The following DDX20 variants were observed in gnomAD, a reference collection of about 807,000 sequenced individuals.
DDX20 encodes probable ATP-dependent RNA helicase DDX20.
DDX20 carries 61 observed loss-of-function variants against 76.4 expected under a neutral mutation model. The ratio of observed to expected loss-of-function variants is 0.80; its 90% CI spans 0.65 to 0.99. The LOEUF is 0.99. Among genes scored for constraint, DDX20 ranks in the 50% least tolerant of loss-of-function variants. The probability of loss-of-function intolerance (pLI) is 0.00; values close to 1 mark genes in which losing one functional copy is unlikely to be tolerated. For missense variants in DDX20, 976 were observed against 996.8 expected, an observed-to-expected ratio of 0.98 and a Z score of 0.28; for synonymous variants, 357 against 357.4, an observed-to-expected ratio of 1.00 and a Z score of 0.01.
chr1:111,756,630 T>C lies in DDX20; in HGVS notation c.302-16T>C, dbSNP rs755849658. The C allele has an allele frequency of 6.2e-7, 1 of 1,611,822 alleles. No individual in the cohort carries two copies. Among genetic ancestry groups the C allele is most frequent in the Non-Finnish European group, 8.5e-7 (1 of 1,178,038 alleles). ...AGTGAGTACTGGCTAGTGATAATTG[T>C]TTTTTTCCTTCGCAGATTTAATTGT... On this transcript the variant is annotated splice_polypyrimidine_tract_variant and intron_variant, in intron 1 of 10. Transcript: ENST00000369702.
At chr1:111,765,637 T>A in intron 10 of DDX20, 100 bp from the exon 11 acceptor site, 1 of 1,013,414 alleles carries the variant, frequency 9.9e-7, no homozygotes, top group South Asian at 1.7e-5. Flanking sequence ...TATTGTTTCT[T>A]AAATGTATTT....
chr1:111,765,413 G>C (rs1663758925), intron 10 of DDX20, among the ~76,000 whole-genome samples: 1 of 152,188 alleles, frequency 6.6e-6, no homozygotes, highest in African/African-American at 2.4e-5. Context: ...ATAAAGGGGA[G>C]GGGCTGTGGA....
chr1:111,760,797 A>C lies in DDX20; in HGVS notation c.772A>C (p.Met258Leu), dbSNP rs762247366. The change falls in exon 5 of 11, where the codon ATG (methionine) becomes CTG (leucine). Residue 258 changes from methionine (M) to leucine (L), a missense_variant. This residue lies in a region of DDX20 where 630 missense variants were observed against 693.7 expected (regional missense o/e 0.91). Transcript: ENST00000369702. ...TTTGGCTAATGCTTTGACAAAGTAC[A>C]TGAGAGATCCCACTTTTGTAAGACT... Reference protein sequence around the residue: ...EFLANALTKYMRDPTFVRLNS... With the variant: ...EFLANALTKYLRDPTFVRLNS... The C allele has an allele frequency of 8.1e-6, 13 of 1,613,806 alleles. No individual in the cohort carries two copies. In the South Asian group the frequency reaches 8.8e-5, roughly 11 times the overall value.
Position 111,756,226 on chromosome 1 carries a change from G to C in DDX20, c.301+1G>C, listed in dbSNP as rs1469649391. 7.0e-7 allele frequency: 1 copy of C among 1,426,978 alleles called. No homozygotes were observed. The highest frequency in any genetic ancestry group is 9.2e-7 in the Non-Finnish European group (1 of 1,092,576). 88.4% of individuals were successfully genotyped at this position (1,426,978 alleles called of 1,614,324 possible). On this transcript the variant is annotated splice_donor_variant, in intron 1 of 10. Transcript: ENST00000369702. LOFTEE classifies it high-confidence loss of function. ...ATCCCGTTGGGGCGCTGCGGGCTCG[G>C]TGAGAGCGGGGGCCCGGGATAGGTC...
chr1:111,761,332 GC>G (rs763118670), intron 7 of DDX20, 48 bp downstream of exon 7: 1 of 1,512,358 alleles, frequency 6.6e-7, no homozygotes, highest in South Asian at 1.2e-5. Flanking sequence ...CTGACTTGAA[GC>G]CTCCAAAGTC....
At position 111,760,526 on chromosome 1, in the gene DDX20, C is replaced by G; in HGVS notation, c.618C>G (p.Arg206=). Residue 206 remains arginine (R), a synonymous_variant, in exon 4 of 11, where the codon CGC becomes CGG. Transcript: ENST00000369702. The part of the protein sequence containing the change: ...ELDYLNPGSI[R]LFILDEADKL... The stretch of plus-strand genomic sequence containing the variant: ...ACTACTTGAACCCAGGCAGTATACG[C>G]CTCTTTATTCTTGATGAAGCAGATA... The G allele has an allele frequency of 6.2e-7, 1 of 1,613,062 alleles. No homozygotes were observed. Among genetic ancestry groups the G allele is most frequent in the Non-Finnish European group, 8.5e-7 (1 of 1,179,756 alleles).
Position 111,760,993 on chromosome 1 carries a change from A to G in DDX20, c.830A>G (p.Lys277Arg), listed in dbSNP as rs752907588. The G allele has an allele frequency of 2.5e-6, 4 of 1,612,562 alleles. 1 individual carries two copies. In the Middle Eastern group the frequency reaches 5.0e-4, roughly 200 times the overall value. The change falls in exon 6 of 11, where the codon AAG becomes AGG. Residue 277 changes from lysine (K) to arginine (R), a missense_variant. By Grantham distance (26) the Lys-to-Arg change is conservative. Around this residue, in one of 3 missense-constraint regions of DDX20, gnomAD observed 630 missense variants for 693.7 expected, o/e 0.91. Coordinates refer to ENST00000369702, the MANE Select transcript of DDX20 (RefSeq NM_007204.5). ...NSSDPSLIGL[K>R]QYYKVVNSYP... is the part of the protein sequence containing the mutation. ...TGATAGCTCTTCTTTGTAGGTTTGA[A>G]GCAGTATTACAAAGTTGTCAATTCA...
chr1:111,765,074 A>G (rs533533146), intron 10 of DDX20, among the ~76,000 whole-genome samples: 1 of 152,254 alleles, frequency 6.6e-6, no homozygotes, highest in African/African-American at 2.4e-5. Context: ...ACAAAAATTG[A>G]TCACACTTTG....
chr1:111,762,602 A>C, intron 8 of DDX20, 75 bp from the exon 9 acceptor site: 1 of 1,278,442 alleles, frequency 7.8e-7, no homozygotes, highest in Admixed American at 1.8e-5. Context: ...ACTGTACTGG[A>C]AGAATATAAT....
At position 111,760,472 on chromosome 1, in the gene DDX20, A is replaced by G; in HGVS notation, c.566-2A>G. On this transcript the variant is annotated splice_acceptor_variant, in intron 3 of 10. Coordinates refer to ENST00000369702, the MANE Select transcript of DDX20 (RefSeq NM_007204.5). LOFTEE classifies it high-confidence loss of function. ...ATATTTCAATTTTTTTTTTTTAATT[A>G]GGCAGAATTAAGCAACTCATAGAAC... 6.4e-7 allele frequency: 1 copy of G among 1,561,002 alleles called. No homozygotes were observed. Among genetic ancestry groups the G allele is most frequent in the Non-Finnish European group, 8.6e-7 (1 of 1,156,088 alleles).
chr1:111,756,613 C>T (rs757501811), intron 1 of DDX20, 33 bp from the exon 2 acceptor site: 17 of 1,595,018 alleles, frequency 1.1e-5, no homozygotes, highest in East Asian at 8.9e-5. Flanking sequence ...TCAGTGAGTA[C>T]TGGCTAGTGA....
At chr1:111,758,712 C>T (rs1223423640) in intron 2 of DDX20, among the ~76,000 whole-genome samples, 2 of 152,104 alleles carry the variant, frequency 1.3e-5, no homozygotes, top group East Asian at 3.8e-4. Flanking sequence ...TCATGATCAC[C>T]TCATTTAAAA....
In DDX20 at chr1:111,759,419, C is replaced by A; in HGVS notation, c.416C>A (p.Thr139Lys). The change falls in exon 3 of 11, where the codon ACA (threonine) becomes AAA (lysine). Residue 139 changes from threonine (T) to lysine (K), a missense_variant. Physicochemically the swap from Thr to Lys is moderately conservative, Grantham distance 78. This residue lies in a region of DDX20 where 343 missense variants were observed against 286.4 expected (regional missense o/e 1.20). Coordinates refer to ENST00000369702, the MANE Select transcript of DDX20 (RefSeq NM_007204.5). ...TTTTAGATTTTGATCTTGGCTCCTA[C>A]AAGAGAAATTGCTGTACAGATACAT... ...LSTQILILAP[T>K]REIAVQIHSV... 2 of 1,598,890 alleles carry A rather than the reference C, an allele frequency of 1.3e-6. No individual in the cohort carries two copies. Among genetic ancestry groups the A allele is most frequent in the Non-Finnish European group, 1.7e-6 (2 of 1,174,908 alleles).
Position 111,766,306 on chromosome 1 carries a change from A to G in DDX20, c.1882A>G (p.Asn628Asp). Residue 628 changes from asparagine to aspartate, a missense_variant, in exon 11 of 11, where the codon AAT becomes GAT. Around this residue, in one of 3 missense-constraint regions of DDX20, gnomAD observed 630 missense variants for 693.7 expected, o/e 0.91. Transcript: ENST00000369702. ...GPGDQTVNPQ[N>D]GFVRNKVIEQ... Reference sequence around the variant, plus strand: ...TGGGGATCAGACTGTGAATCCTCAAAATGGTTTTGTGAGAAATAAAGTTAT... The same window carrying G: ...TGGGGATCAGACTGTGAATCCTCAAGATGGTTTTGTGAGAAATAAAGTTAT... 6.2e-7 allele frequency: 1 copy of G among 1,614,148 alleles called. No individual in the cohort carries two copies. The highest frequency in any genetic ancestry group is 1.1e-5 in the South Asian group (1 of 91,084).
intron 2 of DDX20, 83 bp from the exon 3 acceptor site, chr1:111,759,317 A>C: frequency 2.0e-6 from 2 of 980,098 alleles, no homozygotes; most frequent in Non-Finnish European, 2.9e-6. Context: ...TAAATGAAAT[A>C]TAGTGTGTCA....
In DDX20 at chr1:111,760,457, T is replaced by G. The variant is rs1663649585; in HGVS notation, c.566-17T>G. On this transcript the variant is annotated splice_polypyrimidine_tract_variant and intron_variant, in intron 3 of 10. Coordinates refer to ENST00000369702, the MANE Select transcript of DDX20 (RefSeq NM_007204.5). ...TTTGGTACATCATAAATATTTCAAT[T>G]TTTTTTTTTTAATTAGGCAGAATTA... The G allele has an allele frequency of 2.0e-6, 3 of 1,489,268 alleles. No homozygotes were observed. In the Admixed American group the frequency reaches 6.5e-5, roughly 32 times the overall value. The allele number at this position is 1,489,268 out of a possible 1,614,324, so 92.3% of individuals were successfully genotyped here.
intron 10 of DDX20, among the ~76,000 whole-genome samples, chr1:111,764,124 A>T (rs76668948): frequency 2.0e-5 from 3 of 152,104 alleles, no homozygotes; most frequent in African/African-American, 7.2e-5. Flanking sequence ...CTAAAAAAAA[A>T]TACAGAAAAT....
rs757973800 is a variant in DDX20 at position 111,759,415 on chromosome 1, C to T, written c.412C>T (p.Pro138Ser). ...TTTTTTTTAGATTTTGATCTTGGCT[C>T]CTACAAGAGAAATTGCTGTACAGAT... ...NLSTQILILA[P>S]TREIAVQIHS... is the part of the protein sequence containing the mutation. The change falls in exon 3 of 11, where the codon CCT becomes TCT. Residue 138 changes from proline (P) to serine (S), a missense_variant. Physicochemically the swap from Pro to Ser is moderately conservative, Grantham distance 74. Coordinates refer to ENST00000369702, the MANE Select transcript of DDX20 (RefSeq NM_007204.5). The T allele has an allele frequency of 4.4e-6, 7 of 1,597,258 alleles. No homozygotes were observed. The highest frequency in any genetic ancestry group is 5.1e-6 in the Non-Finnish European group (6 of 1,174,396).
At chr1:111,759,986 A>G (rs1001784317) in intron 3 of DDX20, among the ~76,000 whole-genome samples, 11 of 150,158 alleles carry the variant, frequency 7.3e-5, no homozygotes, top group Non-Finnish European at 1.5e-4. Context: ...AAAAAAAAAA[A>G]AAAAAAAAAG....
Sources: allele counts gnomAD v4.1 joint callset (sites outside exome capture counted in the v4.1 genomes callset), GRCh38; gene constraint gnomAD v4.1.1; regional missense constraint gnomAD v4.1.1; transcripts MANE v1.5; gene names NCBI Gene and HGNC (gene_info 2026-07-23, HGNC 2026-07-21).